The following SKIC3 variants were observed in gnomAD, a reference collection of about 807,000 sequenced individuals.
SKIC3 encodes the protein superkiller complex protein 3.
chr5:95,484,019 C>G, the SKIC3 span, among the ~76,000 whole-genome samples: 1 of 152,078 alleles, frequency 6.6e-6, no homozygotes, highest in South Asian at 2.1e-4. Flanking sequence ...TAATGACACC[C>G]AAATAAAAAA....
At chr5:95,503,012 T>C in the SKIC3 span, 26 of 1,613,748 alleles carry the variant, frequency 1.6e-5, no homozygotes, top group African/African-American at 1.9e-4. Context: ...GGCTGTTACA[T>C]AGAAGTGAAA....
At chr5:95,482,841 A>G in the SKIC3 span, among the ~76,000 whole-genome samples, 1 of 152,202 alleles carries the variant, frequency 6.6e-6, no homozygotes, top group Non-Finnish European at 1.5e-5. Context: ...TAAAATCAGT[A>G]ATGCTATTAC....
chr5:95,473,234 A>G, the SKIC3 span, among the ~76,000 whole-genome samples: 208 of 152,286 alleles, frequency 1.4e-3, no homozygotes, highest in African/African-American at 5.0e-3. Context: ...TAAGCATTTA[A>G]GCATTCCCTT....
chr5:95,503,078 T>C, the SKIC3 span: 2 of 1,578,852 alleles, frequency 1.3e-6, no homozygotes. Flanking sequence ...ATTTTTCCTT[T>C]CCAAATTTTT....
the SKIC3 span, among the ~76,000 whole-genome samples, chr5:95,508,658 T>C: frequency 1.3e-5 from 2 of 152,340 alleles, no homozygotes; most frequent in East Asian, 3.9e-4. Flanking sequence ...TTCCCTACTT[T>C]AATTTTCTTT....
At chr5:95,469,688 A>T in the SKIC3 span, 2 of 1,580,166 alleles carry the variant, frequency 1.3e-6, no homozygotes, top group Middle Eastern at 1.7e-4. Context: ...GTCTGTTACA[A>T]ACTTTAAAGT....
At chr5:95,519,028 G>A in the SKIC3 span, among the ~76,000 whole-genome samples, 1 of 150,544 alleles carries the variant, frequency 6.6e-6, no homozygotes, top group African/African-American at 2.4e-5. Flanking sequence ...CCTTACTGTG[G>A]TTTTGATTTG....
At chr5:95,525,414 GAT>G in the SKIC3 span, 1 of 1,613,546 alleles carries the variant, frequency 6.2e-7, no homozygotes, top group Non-Finnish European at 8.5e-7. Flanking sequence ...TCTGCTTGTA[GAT>G]AGTCCTTTTT....
the SKIC3 span, among the ~76,000 whole-genome samples, chr5:95,541,550 T>A: frequency 6.6e-6 from 1 of 152,002 alleles, no homozygotes; most frequent in Non-Finnish European, 1.5e-5. Context: ...TAAAATGAGC[T>A]CCTCATAAAA....
At chr5:95,523,663 CA>C in the SKIC3 span, 1 of 1,613,366 alleles carries the variant, frequency 6.2e-7, no homozygotes, top group Non-Finnish European at 8.5e-7. Context: ...ACCATATCTT[CA>C]AGCTCCACAC....
the SKIC3 span, among the ~76,000 whole-genome samples, chr5:95,539,494 G>T: frequency 6.6e-6 from 1 of 152,196 alleles, no homozygotes; most frequent in Non-Finnish European, 1.5e-5. Flanking sequence ...CTACACTGCT[G>T]GTGGGAGTGT....
chr5:95,465,405 C>T, the SKIC3 span, among the ~76,000 whole-genome samples: 1 of 152,156 alleles, frequency 6.6e-6, no homozygotes, highest in Non-Finnish European at 1.5e-5. Context: ...AGGTTCTAGG[C>T]TTTATCAATA....
chr5:95,518,200 A>G, the SKIC3 span, among the ~76,000 whole-genome samples: 1 of 152,144 alleles, frequency 6.6e-6, no homozygotes, highest in Admixed American at 6.6e-5. Context: ...AATTGGCATA[A>G]CTATATATAT....
the SKIC3 span, chr5:95,484,680 T>G: frequency 2.5e-6 from 4 of 1,613,458 alleles, no homozygotes; most frequent in Non-Finnish European, 3.4e-6. Context: ...ATTTTCCCAG[T>G]AAGATAAGAA....
the SKIC3 span, among the ~76,000 whole-genome samples, chr5:95,511,236 C>A: frequency 2.6e-5 from 4 of 152,108 alleles, no homozygotes; most frequent in African/African-American, 9.7e-5. Context: ...CCGTGAAACC[C>A]CACCTCTACT....
chr5:95,507,466 A>G, the SKIC3 span, among the ~76,000 whole-genome samples: 6 of 152,188 alleles, frequency 3.9e-5, no homozygotes, highest in Admixed American at 1.3e-4. Flanking sequence ...GAAGGGGACT[A>G]GTCACTAGAA....
At chr5:95,524,636 A>G in the SKIC3 span, 1 of 1,608,592 alleles carries the variant, frequency 6.2e-7, no homozygotes, top group Non-Finnish European at 8.5e-7. Flanking sequence ...AAACAAATAC[A>G]CACACACCCA....
the SKIC3 span, among the ~76,000 whole-genome samples, chr5:95,529,766 T>C: frequency 2.0e-5 from 3 of 151,080 alleles, no homozygotes; most frequent in African/African-American, 7.3e-5. Flanking sequence ...ATGTCTGCCT[T>C]CCTCCCTCCC....
chr5:95,478,279 C>T, the SKIC3 span: 2 of 1,613,410 alleles, frequency 1.2e-6, no homozygotes, highest in East Asian at 2.2e-5. Flanking sequence ...ATAATTATAA[C>T]ATGATCTTAC....
Sources: allele counts gnomAD v4.1 joint callset (sites outside exome capture counted in the v4.1 genomes callset), GRCh38; gene constraint gnomAD v4.1.1; transcripts MANE v1.5; gene names NCBI Gene and HGNC (gene_info 2026-07-23, HGNC 2026-07-21).